Variants in R3HDM2 observed in about 807,000 individuals in gnomAD.
R3HDM2 encodes the protein R3H domain-containing protein 2.
A neutral mutation model predicts 124.5 loss-of-function variants in R3HDM2; 38 were observed. The ratio of observed to expected loss-of-function variants is 0.31; its 90% confidence interval spans 0.24 to 0.40. The LOEUF (loss-of-function observed/expected upper bound fraction) is 0.40. R3HDM2 is among the 10% of genes least tolerant of loss of function. The pLI, the probability that R3HDM2 is intolerant of heterozygous loss-of-function variation, is 1.00. For missense variants in R3HDM2, 869 were observed against 1,236.9 expected, an observed-to-expected ratio of 0.70 and a Z score of 4.46; for synonymous variants, 391 against 448.0, an observed-to-expected ratio of 0.87 and a Z score of 1.61.
chr12:57,297,746 G>T, intron 7 of R3HDM2: 3 of 359,218 alleles, frequency 8.4e-6, no homozygotes, highest in South Asian at 3.8e-5. Context: ...TTTAGCTTAT[G>T]TACAAATCAA....
intron 1 of R3HDM2, among the ~76,000 whole-genome samples, chr12:57,430,382 G>T (rs487722): frequency 0.18 from 27,211 of 152,026 alleles, 3,162 homozygotes; most frequent in South Asian, 0.43. Flanking sequence ...ACGCTCGAAG[G>T]AAAACCGCCA....
chr12:57,357,679 A>G (rs961894458), intron 2 of R3HDM2, among the ~76,000 whole-genome samples: 31 of 113,818 alleles, frequency 2.7e-4, no homozygotes, highest in Non-Finnish European at 4.2e-4. Context: ...TTAGTTCATT[A>G]ATTTTTGCTC....
At chr12:57,335,853 A>G (rs940420070) in intron 2 of R3HDM2, among the ~76,000 whole-genome samples, 8 of 151,944 alleles carry the variant, frequency 5.3e-5, no homozygotes, top group Non-Finnish European at 1.0e-4. Flanking sequence ...GGATGGCTTG[A>G]GCCTATGAGT....
intron 2 of R3HDM2, among the ~76,000 whole-genome samples, chr12:57,311,880 C>T (rs929262479): frequency 6.6e-6 from 1 of 152,160 alleles, no homozygotes; most frequent in African/African-American, 2.4e-5. Flanking sequence ...CTATCACTAC[C>T]TGGGAAATCC....
intron 15 of R3HDM2, 129 bp downstream of exon 15, chr12:57,269,623 T>C (rs1272990452): frequency 6.8e-7 from 1 of 1,480,462 alleles, no homozygotes; most frequent in Admixed American, 2.1e-5. Context: ...ACTTTCTGGC[T>C]AGAACAACTC....
At chr12:57,419,769 G>A (rs1397678167) in intron 1 of R3HDM2, among the ~76,000 whole-genome samples, 2 of 151,804 alleles carry the variant, frequency 1.3e-5, no homozygotes, top group African/African-American at 4.8e-5. Context: ...ATACCTCTAG[G>A]TCTTTGCCCA....
chr12:57,364,965 A>G (rs1374022667), intron 2 of R3HDM2, among the ~76,000 whole-genome samples: 1 of 141,450 alleles, frequency 7.1e-6, no homozygotes, highest in Admixed American at 7.2e-5. Flanking sequence ...AAAAAAAAAA[A>G]AAAAAAAGGA....
chr12:57,361,274 C>T (rs1250309668), intron 2 of R3HDM2, among the ~76,000 whole-genome samples: 2 of 147,846 alleles, frequency 1.4e-5, no homozygotes, highest in East Asian at 2.0e-4. Flanking sequence ...ACTTGGGAGG[C>T]TGAGGCAGGA....
At chr12:57,306,183 T>C (rs893441004) in intron 3 of R3HDM2, among the ~76,000 whole-genome samples, 18 of 152,288 alleles carry the variant, frequency 1.2e-4, no homozygotes, top group African/African-American at 3.1e-4. Context: ...TGCTGATGCA[T>C]TGGATGTCAG....
At chr12:57,258,807 G>A in intron 20 of R3HDM2, 83 bp downstream of exon 20, 2 of 1,263,312 alleles carry the variant, frequency 1.6e-6, no homozygotes, top group Non-Finnish European at 2.1e-6. Flanking sequence ...TGTAAAAGAG[G>A]CTGCTCAGTC....
At chr12:57,274,256 G>A (rs566228534) in intron 14 of R3HDM2, among the ~76,000 whole-genome samples, 1 of 152,252 alleles carries the variant, frequency 6.6e-6, no homozygotes, top group African/African-American at 2.4e-5. Context: ...GCTGAGGTGG[G>A]CAGACCACCT....
chr12:57,343,776 A>AC (rs1270431792), intron 2 of R3HDM2, among the ~76,000 whole-genome samples: 2 of 151,762 alleles, frequency 1.3e-5, no homozygotes, highest in African/African-American at 4.8e-5. Context: ...AAAAAAAAAA[A>AC]AAAAAAAAAA....
At chr12:57,396,217 A>C (rs1343628821) in intron 1 of R3HDM2, among the ~76,000 whole-genome samples, 5 of 151,990 alleles carry the variant, frequency 3.3e-5, no homozygotes, top group Non-Finnish European at 1.5e-5. Context: ...AGGCCGGTGG[A>C]TCACTTGAGG....
chr12:57,421,543 T>C lies in R3HDM2; in HGVS notation c.-106+9177A>G, dbSNP rs143433770. 8.0e-3 allele frequency among the ~76,000 whole-genome samples: 1,206 copies of C among 151,504 alleles called. 16 individuals carry two copies. Among genetic ancestry groups the C allele is most frequent in the African/African-American group, 0.027 (1,124 of 41,218 alleles). ...TAGTAAAAGACAGGGTCTCACTCTA[T>C]TGCTCAGGCTGGAGTGCAATGTGGT... On this transcript the variant is annotated intron_variant, in intron 1 of 23. Transcript: ENST00000402412.
At chr12:57,264,393 T>TA (rs55891769) in intron 19 of R3HDM2, among the ~76,000 whole-genome samples, 2,338 of 102,514 alleles carry the variant, frequency 0.023, 75 homozygotes, top group African/African-American at 0.074. Flanking sequence ...CTGCCTCTAC[T>TA]AAAAAAAAAA....
intron 2 of R3HDM2, among the ~76,000 whole-genome samples, chr12:57,320,931 G>T (rs1190514199): frequency 2.0e-5 from 3 of 152,040 alleles, no homozygotes; most frequent in African/African-American, 4.8e-5. Flanking sequence ...TAAAAATTCT[G>T]GTCTACCCTG....
chr12:57,272,617 TGGGGTG>T, intron 14 of R3HDM2: 1 of 22,066 alleles, frequency 4.5e-5, no homozygotes, highest in Non-Finnish European at 8.0e-5. Flanking sequence ...AAGCGGGGGG[TGGGGTG>T]GGGGGGGGGT....
At chr12:57,310,777 G>C (rs1284208265) in intron 2 of R3HDM2, among the ~76,000 whole-genome samples, 2 of 152,118 alleles carry the variant, frequency 1.3e-5, no homozygotes, top group African/African-American at 4.8e-5. Context: ...ATGTCCCTTT[G>C]TAATCTCTTC....
intron 4 of R3HDM2, 82 bp from the exon 5 acceptor site, chr12:57,300,263 T>G: frequency 1.6e-6 from 2 of 1,222,012 alleles, no homozygotes; most frequent in Non-Finnish European, 2.3e-6. Context: ...AGAAAGCTTT[T>G]GGCTGAATGA....
Sources: allele counts gnomAD v4.1 joint callset (sites outside exome capture counted in the v4.1 genomes callset), GRCh38; gene constraint gnomAD v4.1.1; transcripts MANE v1.5; gene names NCBI Gene and HGNC (gene_info 2026-07-23, HGNC 2026-07-21).